BEST3: variants seen among roughly 807,000 people sequenced by gnomAD.
The protein encoded by BEST3 is bestrophin 3, also known as bestrophin-3.
A neutral mutation model predicts 47.1 loss-of-function variants in BEST3; 50 were observed. The observed-to-expected ratio is 1.06, with a 90% CI of 0.85 to 1.34. The LOEUF (loss-of-function observed/expected upper bound fraction) is 1.34, where lower values mean the gene tolerates loss of function less well. Among genes scored for constraint, BEST3 ranks in the 40% most tolerant of loss-of-function variants. The probability of loss-of-function intolerance (pLI) is 0.00; values close to 1 mark genes in which losing one functional copy is unlikely to be tolerated. For missense variants in BEST3, 765 were observed against 817.0 expected (o/e 0.94, Z 0.78); for synonymous variants, 282 against 298.8 (o/e 0.94, Z 0.58).
intron 9 of BEST3, among the ~76,000 whole-genome samples, chr12:69,647,525 C>T (rs1037945218): frequency 6.6e-6 from 1 of 152,114 alleles, no homozygotes; most frequent in Admixed American, 6.5e-5. Context: ...CTGTTTGTTT[C>T]ATACCAGTGT....
chr12:69,682,472 G>T (rs1300513158), intron 4 of BEST3, among the ~76,000 whole-genome samples: 1 of 152,192 alleles, frequency 6.6e-6, no homozygotes, highest in African/African-American at 2.4e-5. Flanking sequence ...AATGAGCTTG[G>T]TGATTCTCTT....
At chr12:69,695,057 C>T (rs1307941046) in intron 2 of BEST3, among the ~76,000 whole-genome samples, 2 of 152,152 alleles carry the variant, frequency 1.3e-5, no homozygotes, top group Non-Finnish European at 2.9e-5. Context: ...TAGTCACTCT[C>T]TCAAAATTTA....
chr12:69,671,538 G>T lies in BEST3; in HGVS notation c.990C>A (p.Pro330=), dbSNP rs998620278. The change falls in exon 9 of 10, where the codon CCC becomes CCA. Residue 330 remains proline, a synonymous_variant. Coordinates refer to ENST00000330891, the MANE Select transcript of BEST3 (RefSeq NM_032735.3). ...CCCAGTAAATGTCCTTCTTCATCTT[G>T]GGTAAGCTCATGTGCATTTCGTCCA... is the stretch of plus-strand genomic sequence containing the variant. ...LAVDEMHMSL[P]KMKKDIYWDD... is the part of the protein sequence containing the mutation. 1.9e-6 allele frequency: 3 copies of T among 1,613,730 alleles called. No individual in the cohort carries two copies. Among genetic ancestry groups the T allele is most frequent in the Non-Finnish European group, 1.7e-6 (2 of 1,179,808 alleles).
chr12:69,681,667 T>C (rs913659537), intron 4 of BEST3, among the ~76,000 whole-genome samples: 2 of 152,270 alleles, frequency 1.3e-5, no homozygotes, highest in African/African-American at 4.8e-5. Context: ...GAATCACCTG[T>C]GATATCTATT....
At position 69,699,257 on chromosome 12, in the gene BEST3, G is replaced by C; in HGVS notation, c.-68C>G. On this transcript the variant is annotated 5_prime_UTR_variant, in exon 1 of 10. Transcript: ENST00000330891. Reference sequence around the variant, plus strand: ...AGGAAAGAGAATCTTCAAATTTCGGGCTCCCCCGAAGAGGTGCCTTCAGGT... The same window carrying C: ...AGGAAAGAGAATCTTCAAATTTCGGCCTCCCCCGAAGAGGTGCCTTCAGGT... 1 of 985,382 alleles carries C rather than the reference G, an allele frequency of 1.0e-6. No individual in the cohort carries two copies. Among genetic ancestry groups the C allele is most frequent in the Non-Finnish European group, 1.2e-6 (1 of 829,942 alleles). The allele number at this position is 985,382 out of a possible 1,614,324, so 61.0% of individuals were successfully genotyped here.
rs1883325302 is a variant in BEST3 at position 69,654,353 on chromosome 12, A to G, written c.*554T>C. ...AAGTGTTCTGGTGCTGATGAAGCTT[A>G]AGAATCAGGAAGTGATAATAACAAT... On this transcript the variant is annotated 3_prime_UTR_variant, in exon 10 of 10. Coordinates refer to ENST00000330891, the MANE Select transcript of BEST3 (RefSeq NM_032735.3). 1 of 985,148 alleles carries G rather than the reference A, an allele frequency of 1.0e-6. No individual in the cohort carries two copies. Among genetic ancestry groups the G allele is most frequent in the Non-Finnish European group, 1.2e-6 (1 of 829,676 alleles). 61.0% of individuals were successfully genotyped at this position (985,148 alleles called of 1,614,324 possible).
At chr12:69,663,506 T>A (rs1375108814) in intron 9 of BEST3, among the ~76,000 whole-genome samples, 3 of 152,214 alleles carry the variant, frequency 2.0e-5, no homozygotes, top group Admixed American at 1.3e-4. Context: ...ATCTCCATAG[T>A]TAAGCTAATG....
chr12:69,698,616 T>G (rs1028688798), intron 1 of BEST3, among the ~76,000 whole-genome samples: 1 of 152,246 alleles, frequency 6.6e-6, no homozygotes, highest in East Asian at 1.9e-4. Flanking sequence ...GAGAGTCTTA[T>G]AGAGCTACTT....
At chr12:69,688,210 G>A (rs1592371843) in intron 4 of BEST3, among the ~76,000 whole-genome samples, 1 of 152,260 alleles carries the variant, frequency 6.6e-6, no homozygotes, top group East Asian at 1.9e-4. Flanking sequence ...GACTCAGCCA[G>A]GATCTGGAAT....
In BEST3 at chr12:69,677,220, A is replaced by T; in HGVS notation, c.674T>A (p.Phe225Tyr). The T allele has an allele frequency of 6.2e-7, 1 of 1,613,724 alleles. No homozygotes were observed. Among genetic ancestry groups the T allele is most frequent in the Non-Finnish European group, 8.5e-7 (1 of 1,179,806 alleles). ...CGGAATCCCAACCCAGTCATAACCG[A>T]ATAAGAGGCTGCACCAAGAGCGGTA... ...NRYRSWCSLL[F>Y]GYDWVGIPLV... The change falls in exon 6 of 10, where the codon TTC (phenylalanine) becomes TAC (tyrosine). Residue 225 changes from phenylalanine (F) to tyrosine (Y), a missense_variant. By Grantham distance (22) the Phe-to-Tyr change is conservative. Transcript: ENST00000330891.
chr12:69,647,632 A>G (rs1883081447), intron 9 of BEST3, among the ~76,000 whole-genome samples: 1 of 152,226 alleles, frequency 6.6e-6, no homozygotes, highest in South Asian at 2.1e-4. Flanking sequence ...AACAAAACTT[A>G]TCCCTACTTA....
In BEST3 at chr12:69,655,415, A is replaced by T. The variant is rs1440582426; in HGVS notation, c.1499T>A (p.Val500Glu). The T allele has an allele frequency of 1.2e-6, 2 of 1,614,120 alleles. No homozygotes were observed. Among genetic ancestry groups the T allele is most frequent in the Admixed American group, 1.7e-5 (1 of 60,020 alleles). ...VRTSPIKMPL[V>E]PEVLITAAEA... ...GGCTGCTGTGATCAATACCTCAGGT[A>T]CCAGTGGCATTTTGATGGGGGAAGT... The change falls in exon 10 of 10, where the codon GTA becomes GAA. Residue 500 changes from valine (V) to glutamate (E), a missense_variant. Val to Glu is a moderately radical substitution (Grantham distance 121). Transcript: ENST00000330891.
At chr12:69,649,639 T>C (rs1883148125), downstream of BEST3, among the ~76,000 whole-genome samples, 1 of 152,198 alleles carries the variant, frequency 6.6e-6, no homozygotes, top group Admixed American at 6.5e-5. Flanking sequence ...TTCTCAAACT[T>C]GGTATATTGG....
chr12:69,655,439 G>A lies in BEST3; in HGVS notation c.1475C>T (p.Thr492Ile), dbSNP rs1007622675. 1 of 1,614,176 alleles carries A rather than the reference G, an allele frequency of 6.2e-7. No individual in the cohort carries two copies. The highest frequency in any genetic ancestry group is 8.5e-7 in the Non-Finnish European group (1 of 1,180,010). The change falls in exon 10 of 10, where the codon ACT (threonine) becomes ATT (isoleucine). Residue 492 changes from threonine to isoleucine, a missense_variant. Physicochemically the swap from Thr to Ile is moderately conservative, Grantham distance 89. Transcript: ENST00000330891. ...QSLTPQSSVR[T>I]SPIKMPLVPE... ...TACCAGTGGCATTTTGATGGGGGAA[G>A]TTCTCACACTGGACTGTGGGGTCAG...
downstream of BEST3, chr12:69,653,601 A>C (rs1565818831): frequency 2.0e-6 from 2 of 977,680 alleles, no homozygotes. Flanking sequence ...TAAGCACTCA[A>C]TAAATGGTAG....
At chr12:69,659,855 A>G (rs918771844) in intron 9 of BEST3, among the ~76,000 whole-genome samples, 1 of 152,232 alleles carries the variant, frequency 6.6e-6, no homozygotes, top group East Asian at 1.9e-4. Context: ...TACCCTCATT[A>G]TATTCCTATG....
chr12:69,688,248 T>G (rs1326572126), intron 4 of BEST3, among the ~76,000 whole-genome samples: 2 of 152,094 alleles, frequency 1.3e-5, no homozygotes, highest in African/African-American at 2.4e-5. Flanking sequence ...TTGGAATGAA[T>G]GACATCTCCC....
intron 4 of BEST3, among the ~76,000 whole-genome samples, chr12:69,693,270 T>C: frequency 6.7e-6 from 1 of 149,918 alleles, no homozygotes; most frequent in East Asian, 1.9e-4. Context: ...TTTCTTTTTT[T>C]TTTTTTGAGA....
chr12:69,665,954 A>G (rs1274967435), intron 9 of BEST3, among the ~76,000 whole-genome samples: 2 of 152,150 alleles, frequency 1.3e-5, no homozygotes, highest in South Asian at 4.1e-4. Flanking sequence ...CCGTAACTTG[A>G]TAATTGAAGT....
Sources: gnomAD v4.1 joint callset for allele counts (sites outside exome capture counted in the v4.1 genomes callset) on GRCh38, gnomAD v4.1.1 for gene constraint, MANE v1.5 for transcripts, NCBI Gene and HGNC (gene_info 2026-07-23, HGNC 2026-07-21) for gene names.